The following MCPH1 variants were observed in gnomAD, a reference collection of about 807,000 sequenced individuals.
MCPH1 encodes microcephalin 1, also known as microcephalin.
Under a neutral mutation model 84.5 loss-of-function variants are expected in MCPH1, and 104 were observed. The observed-to-expected ratio is 1.23, with a 90% CI of 1.05 to 1.45. The LOEUF (loss-of-function observed/expected upper bound fraction) is 1.45. MCPH1 is among the 40% of genes most tolerant of loss of function. The pLI is 0.00. For synonymous variants in MCPH1, 514 were observed against 366.8 expected (o/e 1.40, Z -4.58); for missense variants, 1,498 against 1,005.7 (o/e 1.49, Z -6.62).
chr8:6,414,789 G>A lies in MCPH1; in HGVS notation c.139G>A (p.Val47Ile), dbSNP rs781536395. The change falls in exon 3 of 14, where the codon GTA (valine) becomes ATA (isoleucine). Residue 47 changes from valine to isoleucine, a missense_variant. Physicochemically the swap from Val to Ile is conservative, Grantham distance 29 (BLOSUM62 3). Coordinates refer to ENST00000344683, the MANE Select transcript of MCPH1 (RefSeq NM_024596.5). ...GGTTTCAAAAACTTTTAACAAACAAGTAACTCACGTTATCTTCAAAGATGG... is the reference window on the plus strand; with the variant it reads ...GGTTTCAAAAACTTTTAACAAACAAATAACTCACGTTATCTTCAAAGATGG... ...AKVSKTFNKQ[V>I]THVIFKDGYQ... is the part of the protein sequence containing the mutation. The A allele has an allele frequency of 1.2e-6, 2 of 1,613,804 alleles. No individual in the cohort carries two copies. The highest frequency in any genetic ancestry group is 2.2e-5 in the East Asian group (1 of 44,860).
In MCPH1 at chr8:6,576,111, C is replaced by T. The variant is rs140982076; in HGVS notation, c.2215-45343C>T. ...AAAATATAACGCTACCTTGCAGCCT[C>T]CACCAAACACTGTTGCCATTTGGTT... On this transcript the variant is annotated intron_variant, in intron 12 of 13. Transcript: ENST00000344683. 6.8e-3 allele frequency among the ~76,000 whole-genome samples: 1,039 copies of T among 152,074 alleles called. 8 individuals are homozygous for T. Among genetic ancestry groups the T allele is most frequent in the Middle Eastern group, 0.017 (5 of 294 alleles).
At chr8:6,617,933 ATCTATCTATCTT>A (rs1335788362) in intron 12 of MCPH1, among the ~76,000 whole-genome samples, 5 of 151,478 alleles carry the variant, frequency 3.3e-5, no homozygotes, top group African/African-American at 1.2e-4. Flanking sequence ...CTATCTATCT[ATCTATCTATCTT>A]TCTATCTATC....
intron 9 of MCPH1, among the ~76,000 whole-genome samples, chr8:6,464,179 C>A (rs189758753): frequency 1.3e-5 from 2 of 152,132 alleles, no homozygotes; most frequent in African/African-American, 4.8e-5. Context: ...TCGAAGGTGC[C>A]CTTGGTTTCC....
chr8:6,427,180 T>C (rs1029622938), intron 3 of MCPH1, among the ~76,000 whole-genome samples: 3 of 152,184 alleles, frequency 2.0e-5, no homozygotes, highest in African/African-American at 4.8e-5. Flanking sequence ...TAAAATATGG[T>C]ACACCTACAT....
intron 11 of MCPH1, among the ~76,000 whole-genome samples, chr8:6,495,099 G>T (rs1175993942): frequency 4.0e-5 from 6 of 151,760 alleles, no homozygotes; most frequent in Non-Finnish European, 8.8e-5. Context: ...GCCAGTTCAA[G>T]CTGGTCTCTT....
At chr8:6,539,384 G>A (rs1989321) in intron 12 of MCPH1, among the ~76,000 whole-genome samples, 87,791 of 151,978 alleles carry the variant, frequency 0.58, 27,594 homozygotes, top group East Asian at 0.92. Context: ...GGCCCTAGAA[G>A]TTGAGGCAAA....
intron 7 of MCPH1, among the ~76,000 whole-genome samples, chr8:6,443,305 A>G (rs1803785179): frequency 6.6e-6 from 1 of 151,606 alleles, no homozygotes; most frequent in Admixed American, 6.5e-5. Flanking sequence ...AAAGTGTGAT[A>G]AAACATAAAA....
At position 6,623,688 on chromosome 8, in the gene MCPH1, CAAAAAAAAAAAAAAA is replaced by C. The variant is rs377522481; in HGVS notation, c.2452+2013_2452+2027del. 7.9e-3 allele frequency among the ~76,000 whole-genome samples: 726 copies of C among 92,434 alleles called. 12 individuals are homozygous for C. Among genetic ancestry groups the C allele is most frequent in the East Asian group, 0.021 (55 of 2,572 alleles). The allele number at this position is 92,434 out of a possible 152,430, so 60.6% of individuals were successfully genotyped here. ...CATCTTTTGCCTGGAAACCAACTTC[CAAAAAAAAAAAAAAA>C]AAAAAAAAAAAAAAACTATTGATTT... is the stretch of plus-strand genomic sequence containing the variant. On this transcript the variant is annotated intron_variant, in intron 13 of 13. Transcript: ENST00000344683.
chr8:6,503,082 C>T, intron 12 of MCPH1: 1 of 1,613,988 alleles, frequency 6.2e-7, no homozygotes, highest in African/African-American at 1.3e-5. Flanking sequence ...GAGACAGTTC[C>T]TCAGGTGGAC....
intron 11 of MCPH1, among the ~76,000 whole-genome samples, chr8:6,495,401 C>G (rs578090588): frequency 6.6e-5 from 10 of 152,186 alleles, no homozygotes; most frequent in Non-Finnish European, 1.2e-4. Context: ...GTGCTTTTAA[C>G]CAGTATGTTA....
intron 9 of MCPH1, among the ~76,000 whole-genome samples, chr8:6,468,104 C>T (rs1278886299): frequency 1.3e-5 from 2 of 152,178 alleles, no homozygotes; most frequent in Admixed American, 1.3e-4. Flanking sequence ...GAGCACATTG[C>T]TTTTTGAGTT....
intron 11 of MCPH1, among the ~76,000 whole-genome samples, chr8:6,497,687 A>T (rs976837607): frequency 3.9e-5 from 6 of 152,184 alleles, no homozygotes; most frequent in African/African-American, 1.4e-4. Flanking sequence ...CCAGTGGGAG[A>T]CATCGAAATG....
chr8:6,544,387 G>C (rs1282431306), intron 12 of MCPH1, among the ~76,000 whole-genome samples: 1 of 152,198 alleles, frequency 6.6e-6, no homozygotes, highest in Non-Finnish European at 1.5e-5. Context: ...ACTGCACATG[G>C]TGATTATGAC....
chr8:6,484,773 C>A (rs1294761454), intron 11 of MCPH1, among the ~76,000 whole-genome samples: 4 of 152,214 alleles, frequency 2.6e-5, no homozygotes. Context: ...CAGAAGGTCA[C>A]ATGCTGTATA....
intron 9 of MCPH1, among the ~76,000 whole-genome samples, chr8:6,460,826 A>G (rs12546890): frequency 0.17 from 25,347 of 151,868 alleles, 2,405 homozygotes; most frequent in African/African-American, 0.25. Flanking sequence ...TTCTTCTTCC[A>G]TGACTCACTG....
Position 6,445,673 on chromosome 8 carries a change from ATG to A in MCPH1, c.1825+129_1825+130del, listed in dbSNP as rs1804246953. On this transcript the variant is annotated intron_variant, in intron 8 of 13. Transcript: ENST00000344683. The stretch of plus-strand genomic sequence containing the variant: ...ATTTACTCCTCTTTTTACTTAAAGA[ATG>A]TGCATTTGATCATTCCAATGATAAA... The A allele has an allele frequency of 4.8e-6, 7 of 1,449,956 alleles. No individual in the cohort carries two copies. In the South Asian group the frequency reaches 9.3e-5, roughly 19 times the overall value. The allele number at this position is 1,449,956 out of a possible 1,614,324, so 89.8% of individuals were successfully genotyped here. A position where few individuals can be genotyped will look rare whatever the true frequency, so the allele number is the denominator to read the frequency against.
chr8:6,607,309 C>T (rs893934389), intron 12 of MCPH1, among the ~76,000 whole-genome samples: 1 of 152,164 alleles, frequency 6.6e-6, no homozygotes, highest in Non-Finnish European at 1.5e-5. Context: ...TAGCTCACTC[C>T]CAGTTTGTCT....
At position 6,518,487 on chromosome 8, in the gene MCPH1, T is replaced by C. The variant is rs187896554; in HGVS notation, c.2214+18558T>C. On this transcript the variant is annotated intron_variant, in intron 12 of 13. Transcript: ENST00000344683. ...GTTGATTTAACACAGCATTAATGAATTAGAAAGGTTTCTTTGGAAAGCATT... is the reference window on the plus strand; with the variant it reads ...GTTGATTTAACACAGCATTAATGAACTAGAAAGGTTTCTTTGGAAAGCATT... Among the ~76,000 whole-genome samples the C allele has an allele frequency of 3.9e-5, 6 of 152,300 alleles. No individual in the cohort carries two copies. The East Asian group carries it at 1.2e-3, about 29-fold the overall frequency.
At chr8:6,482,424 G>C (rs1049513098) in intron 11 of MCPH1, among the ~76,000 whole-genome samples, 1 of 152,196 alleles carries the variant, frequency 6.6e-6, no homozygotes, top group Non-Finnish European at 1.5e-5. Flanking sequence ...CTTTGGATAG[G>C]GTGGACTACT....
Sources: gnomAD v4.1 joint callset for allele counts (sites outside exome capture counted in the v4.1 genomes callset) on GRCh38, gnomAD v4.1.1 for gene constraint, MANE v1.5 for transcripts, NCBI Gene and HGNC (gene_info 2026-07-23, HGNC 2026-07-21) for gene names.